Variants in ABLIM1 observed in about 807,000 individuals in gnomAD.
ABLIM1 encodes actin-binding LIM protein 1.
In ABLIM1, 40 loss-of-function variants were observed where a neutral mutation model predicts 107.0. The ratio of observed to expected loss-of-function variants is 0.37; its 90% CI spans 0.29 to 0.49. The LOEUF is 0.49. Among genes scored for constraint, ABLIM1 ranks in the 20% least tolerant of loss-of-function variants. The pLI is 0.97. For missense variants in ABLIM1, 857 were observed against 1,008.5 expected, an observed-to-expected ratio of 0.85 and a Z score of 2.04; for synonymous variants, 357 against 357.3, an observed-to-expected ratio of 1.00 and a Z score of 0.01.
chr10:114,507,120 G>C (rs995235169), intron 6 of ABLIM1, among the ~76,000 whole-genome samples: 2 of 152,170 alleles, frequency 1.3e-5, no homozygotes, highest in Non-Finnish European at 2.9e-5. Flanking sequence ...AATGAATATT[G>C]GAGCAGTCAG....
intron 1 of ABLIM1, among the ~76,000 whole-genome samples, chr10:114,615,844 A>T (rs1211962187): frequency 1.3e-5 from 2 of 150,848 alleles, no homozygotes; most frequent in African/African-American, 2.4e-5. Context: ...TGAAGGAAGG[A>T]GCTGATGGAC....
At chr10:114,607,394 G>A (rs7080854) in intron 1 of ABLIM1, among the ~76,000 whole-genome samples, 96,989 of 152,048 alleles carry the variant, frequency 0.64, 32,684 homozygotes, top group East Asian at 0.88. Context: ...CCAGCAAAGC[G>A]TATTCTACCC....
chr10:114,622,085 A>G (rs2077499852), intron 1 of ABLIM1, among the ~76,000 whole-genome samples: 1 of 152,030 alleles, frequency 6.6e-6, no homozygotes, highest in African/African-American at 2.4e-5. Flanking sequence ...GTAGACACCC[A>G]CCTAGCTCAT....
At chr10:114,472,341 C>T (rs1254576659) in intron 10 of ABLIM1, among the ~76,000 whole-genome samples, 1 of 152,028 alleles carries the variant, frequency 6.6e-6, no homozygotes, top group Non-Finnish European at 1.5e-5. Context: ...TCCTCCGGCC[C>T]TCAGCCTCCC....
intron 19 of ABLIM1, 148 bp from the exon 20 acceptor site, chr10:114,440,237 C>A: frequency 1.2e-6 from 1 of 802,800 alleles, no homozygotes; most frequent in South Asian, 1.6e-5. Flanking sequence ...CACATGTTAT[C>A]CCATCAGCCT....
intron 10 of ABLIM1, among the ~76,000 whole-genome samples, chr10:114,468,774 G>A (rs1005820269): frequency 4.6e-5 from 7 of 151,944 alleles, no homozygotes; most frequent in Middle Eastern, 3.4e-3. Context: ...TGAATAGGCC[G>A]GGTGCGGTGG....
At chr10:114,643,431 T>C (rs79405176) in intron 1 of ABLIM1, among the ~76,000 whole-genome samples, 2,072 of 152,282 alleles carry the variant, frequency 0.014, 58 homozygotes, top group African/African-American at 0.047. Flanking sequence ...TTAGAGATTA[T>C]ATAAAATCTC....
At chr10:114,721,178 G>GT (rs370888165) in intron 1 of ABLIM1, among the ~76,000 whole-genome samples, 6 of 152,028 alleles carry the variant, frequency 3.9e-5, no homozygotes, top group African/African-American at 9.7e-5. Context: ...GATTAACTGT[G>GT]TTTTTTTTCC....
At chr10:114,683,764 A>G (rs1383339410) in intron 1 of ABLIM1, among the ~76,000 whole-genome samples, 1 of 152,102 alleles carries the variant, frequency 6.6e-6, no homozygotes, top group Non-Finnish European at 1.5e-5. Flanking sequence ...GCGTGGGGCC[A>G]CCCTCTGCAG....
Position 114,658,227 on chromosome 10 carries a change from A to G in ABLIM1, c.-27T>C, listed in dbSNP as rs1230285579. ...TTGGCATGGATTTCCAAGCAATGAG[A>G]AATGGGGAGTGGGGACCCAAGGAGC... On this transcript the variant is annotated 5_prime_UTR_variant, in exon 1 of 23. Coordinates refer to ENST00000533213, the MANE Select transcript of ABLIM1 (RefSeq NM_002313.7). 6.3e-7 allele frequency: 1 copy of G among 1,588,416 alleles called. No homozygotes were observed.
intron 1 of ABLIM1, among the ~76,000 whole-genome samples, chr10:114,620,230 T>G (rs2077380720): frequency 6.6e-6 from 1 of 152,234 alleles, no homozygotes; most frequent in African/African-American, 2.4e-5. Context: ...AGGTAAGTAT[T>G]GCTTCATGTG....
chr10:114,661,737 A>C (rs182759649), upstream of ABLIM1, among the ~76,000 whole-genome samples: 84 of 152,340 alleles, frequency 5.5e-4, no homozygotes, highest in Non-Finnish European at 8.4e-4. Flanking sequence ...GTATCTTATC[A>C]GATAGGAAAT....
intron 4 of ABLIM1, among the ~76,000 whole-genome samples, chr10:114,568,756 G>C (rs1002987574): frequency 9.9e-5 from 15 of 152,168 alleles, no homozygotes; most frequent in African/African-American, 3.4e-4. Context: ...GGAAGCAAAG[G>C]AGAAAATACA....
chr10:114,765,930 C>T (rs1186048926), intron 1 of ABLIM1, among the ~76,000 whole-genome samples: 1 of 151,976 alleles, frequency 6.6e-6, no homozygotes, highest in East Asian at 1.9e-4. Context: ...CTTATCAAGG[C>T]TATTTCCTTT....
At chr10:114,570,923 G>C (rs1198559360) in intron 4 of ABLIM1, among the ~76,000 whole-genome samples, 1 of 151,994 alleles carries the variant, frequency 6.6e-6, no homozygotes, top group Non-Finnish European at 1.5e-5. Context: ...AATTTCTTTA[G>C]GAGCCTCCAT....
rs771768868 is a variant in ABLIM1, at chr10:114,601,848, T to G, written c.358A>C (p.Ile120Leu). Residue 120 changes from isoleucine to leucine, a missense_variant, in exon 2 of 23, where the codon ATC becomes CTC. By Grantham distance (5) the Ile-to-Leu change is conservative. Around this residue, in one of 5 missense-constraint regions of ABLIM1, gnomAD observed 176 missense variants for 173.5 expected, o/e 1.01. Transcript: ENST00000533213. ...ATACCTTTGCAGGTGAAACACTTGATGTGGAAATGTTTGGTCTGGACCCGA... is the reference window on the plus strand; with the variant it reads ...ATACCTTTGCAGGTGAAACACTTGAGGTGGAAATGTTTGGTCTGGACCCGA... ...VLRVQTKHFH[I>L]KCFTCKVCGC... is the part of the protein sequence containing the mutation. 1.2e-6 allele frequency: 2 copies of G among 1,614,180 alleles called. No individual in the cohort carries two copies. The highest frequency in any genetic ancestry group is 1.3e-5 in the African/African-American group (1 of 75,052).
chr10:114,489,464 T>C (rs956772378), intron 7 of ABLIM1, among the ~76,000 whole-genome samples: 7 of 152,234 alleles, frequency 4.6e-5, no homozygotes, highest in African/African-American at 1.7e-4. Flanking sequence ...CATAATACTT[T>C]AATCCTTATT....
intron 6 of ABLIM1, among the ~76,000 whole-genome samples, chr10:114,494,053 G>A (rs1452332147): frequency 6.6e-6 from 1 of 152,174 alleles, no homozygotes; most frequent in Non-Finnish European, 1.5e-5. Flanking sequence ...GGGCATGGGA[G>A]TAGAAAATAA....
At position 114,719,289 on chromosome 10, in the gene ABLIM1, T is replaced by C. The variant is rs188086750; in HGVS notation, c.-213+48772A>G. Among the ~76,000 whole-genome samples, 591 of 152,348 alleles carry C rather than the reference T, an allele frequency of 3.9e-3. 2 individuals carry two copies. The highest frequency in any genetic ancestry group is 5.9e-3 in the Non-Finnish European group (403 of 68,028). The stretch of plus-strand genomic sequence containing the variant: ...ACTGCCTGCTGTGGCCAAGATACTG[T>C]CCTAGTCCTAGGCAGTTTACACAGA... On this transcript the variant is annotated intron_variant, in intron 1 of 15. Transcript: ENST00000651092.
Sources: gnomAD v4.1 joint callset for allele counts (sites outside exome capture counted in the v4.1 genomes callset) on GRCh38, gnomAD v4.1.1 for gene constraint, gnomAD v4.1.1 regional missense constraint, MANE v1.5 for transcripts, NCBI Gene and HGNC (gene_info 2026-07-23, HGNC 2026-07-21) for gene names.